PIK3CD: variants seen among roughly 807,000 people sequenced by gnomAD.
PIK3CD encodes the protein phosphatidylinositol 4,5-bisphosphate 3-kinase catalytic subunit delta isoform.
Under a neutral mutation model 122.9 loss-of-function variants are expected in PIK3CD, and 20 were observed. That is an observed-to-expected ratio of 0.16 (90% CI 0.11 to 0.24). The LOEUF (loss-of-function observed/expected upper bound fraction) is 0.24, where lower values mean the gene tolerates loss of function less well. Ranked by LOEUF, PIK3CD falls within the 10% of genes least tolerant of loss-of-function variation. PIK3CD has a pLI of 1.00. For synonymous variants in PIK3CD, 596 were observed against 593.4 expected (o/e 1.00, Z -0.06); for missense variants, 787 against 1,406.3 (o/e 0.56, Z 7.04).
At chr1:9,628,421 C>T in the PIK3CD span, among the ~76,000 whole-genome samples, 1 of 152,258 alleles carries the variant, frequency 6.6e-6, no homozygotes, top group Non-Finnish European at 1.5e-5. Context: ...TGGGGGTTCA[C>T]TCTGTGTCAG....
intron 2 of PIK3CD, among the ~76,000 whole-genome samples, chr1:9,707,995 T>C (rs779665854): frequency 6.6e-6 from 1 of 151,674 alleles, no homozygotes; most frequent in Non-Finnish European, 1.5e-5. Flanking sequence ...GGGGTTTCAC[T>C]GTGTTAGCCA....
intron 6 of PIK3CD, 26 bp from the exon 7 acceptor site, chr1:9,716,933 G>A (rs753515323): frequency 1.2e-6 from 2 of 1,613,520 alleles, no homozygotes; most frequent in South Asian, 1.1e-5. Context: ...CGCCCCACCA[G>A]CCGCTCACCC....
chr1:9,713,870 T>G (rs1647155493), intron 3 of PIK3CD, among the ~76,000 whole-genome samples: 1 of 143,920 alleles, frequency 6.9e-6, no homozygotes, highest in Non-Finnish European at 1.5e-5. Context: ...TTTTTTTTTT[T>G]GAGACAGGGT....
chr1:9,627,760 C>T, the PIK3CD span, among the ~76,000 whole-genome samples: 2 of 152,284 alleles, frequency 1.3e-5, no homozygotes, highest in South Asian at 2.1e-4. Context: ...CTGCTGGCCC[C>T]GGGTGCTGTT....
In PIK3CD at chr1:9,718,572, C is replaced by G; in HGVS notation, c.1021-122C>G. ...TTCCCTGTGCTGCACCACCTTCCTTCGTGTGGGAAGTAGAGTTCAGACCCA... is the reference window on the plus strand; with the variant it reads ...TTCCCTGTGCTGCACCACCTTCCTTGGTGTGGGAAGTAGAGTTCAGACCCA... On this transcript the variant is annotated intron_variant, in intron 8 of 23. Coordinates refer to ENST00000377346, the MANE Select transcript of PIK3CD (RefSeq NM_005026.5). The surrounding 1 kb of genome is among the most constrained non-coding windows in gnomAD (Gnocchi z 7.2). The G allele has an allele frequency of 1.1e-6, 1 of 917,342 alleles. No homozygotes were observed. The highest frequency in any genetic ancestry group is 1.7e-6 in the Non-Finnish European group (1 of 581,662). The allele number at this position is 917,342 out of a possible 1,614,324, so 56.8% of individuals were successfully genotyped here.
rs367558191 is a variant in PIK3CD, at chr1:9,722,200, C to T, written c.2235-44C>T. 5.2e-5 allele frequency: 84 copies of T among 1,610,360 alleles called. No homozygotes were observed. In the African/African-American group the frequency reaches 7.6e-4, roughly 15 times the overall value. On this transcript the variant is annotated intron_variant, in intron 17 of 23. Transcript: ENST00000377346. This position sits in a 1 kb window ranked among gnomAD's most constrained non-coding sequence, Gnocchi z 7.6. ...AGGGTTCCTCCCACCCCTGGGAGGC[C>T]GGTAGAGGAGCCCCTGCTGACTGCC...
chr1:9,635,706 A>G, the PIK3CD span, among the ~76,000 whole-genome samples: 1 of 152,262 alleles, frequency 6.6e-6, no homozygotes, highest in Non-Finnish European at 1.5e-5. Context: ...ATCCATTGCC[A>G]TAGCACTGTG....
At chr1:9,653,021 G>A (rs1644726525) in intron 1 of PIK3CD, 2 of 152,262 alleles carry the variant, frequency 1.3e-5, no homozygotes, top group Non-Finnish European at 2.9e-5. Flanking sequence ...CCATCAAGGG[G>A]GCTTCTTCCC....
upstream of PIK3CD, among the ~76,000 whole-genome samples, chr1:9,648,138 TAGAA>T (rs1351232445): frequency 1.3e-5 from 2 of 152,228 alleles, no homozygotes; most frequent in Non-Finnish European, 1.5e-5. Flanking sequence ...GGGGAGATGA[TAGAA>T]AGATCTCTTC....
chr1:9,659,267 G>A (rs1392586144), intron 1 of PIK3CD, among the ~76,000 whole-genome samples: 1 of 152,026 alleles, frequency 6.6e-6, no homozygotes, highest in African/African-American at 2.4e-5. Context: ...CGTAGCACAC[G>A]TTTACCTATG....
rs1648720883 is a variant in PIK3CD at position 9,721,865 on chromosome 1, G to A, written c.2055+5G>A. 4 of 1,612,856 alleles carry A rather than the reference G, an allele frequency of 2.5e-6. No individual in the cohort carries two copies. Among genetic ancestry groups the A allele is most frequent in the Non-Finnish European group, 3.4e-6 (4 of 1,179,862 alleles). On this transcript the variant is annotated splice_donor_5th_base_variant and intron_variant, in intron 16 of 23. Coordinates refer to ENST00000377346, the MANE Select transcript of PIK3CD (RefSeq NM_005026.5). ...ATGAAGGTGCTGATGAAGCAGGTGAGGCCCAAGGCCCTGGGGGGCGGGCAG... is the reference window on the plus strand; with the variant it reads ...ATGAAGGTGCTGATGAAGCAGGTGAAGCCCAAGGCCCTGGGGGGCGGGCAG...
At position 9,702,231 on chromosome 1, in the gene PIK3CD, G is replaced by A. The variant is rs550165831; in HGVS notation, c.-32-8193G>A. Among the ~76,000 whole-genome samples the A allele has an allele frequency of 4.3e-4, 65 of 152,062 alleles. 2 individuals carry two copies. In the South Asian group the frequency reaches 0.013, roughly 30 times the overall value. On this transcript the variant is annotated intron_variant, in intron 2 of 23. Transcript: ENST00000377346. ...GCTGGACTCGAACTCCTGACCTCAGGTGATCTACCTGCCTTGGCCTCCCAA... is the reference window on the plus strand; with the variant it reads ...GCTGGACTCGAACTCCTGACCTCAGATGATCTACCTGCCTTGGCCTCCCAA...
In PIK3CD at chr1:9,667,030, A is replaced by AT. The variant is rs1274381853; in HGVS notation, c.-138+15234dup. Among the ~76,000 whole-genome samples, 14 of 152,076 alleles carry AT rather than the reference A, an allele frequency of 9.2e-5. 1 individual carries two copies. In the East Asian group the frequency reaches 2.1e-3, roughly 23 times the overall value. ...AGGCGTACACCGCCATGCCTGGCTA[A>AT]TTTTTTGTATTTTAGTAGATACGGG... is the stretch of plus-strand genomic sequence containing the variant. On this transcript the variant is annotated intron_variant, in intron 1 of 23. Transcript: ENST00000377346.
chr1:9,646,333 A>G, the PIK3CD span, among the ~76,000 whole-genome samples: 5 of 152,350 alleles, frequency 3.3e-5, no homozygotes, highest in East Asian at 7.7e-4. Context: ...CCGTAACAAA[A>G]GACAGATTCA....
intron 2 of PIK3CD, among the ~76,000 whole-genome samples, chr1:9,697,359 C>G (rs753608382): frequency 6.6e-6 from 1 of 151,950 alleles, no homozygotes; most frequent in Non-Finnish European, 1.5e-5. Context: ...AGGACTGCTA[C>G]TTTGTACTGT....
chr1:9,645,390 GTC>G, the PIK3CD span, among the ~76,000 whole-genome samples: 1 of 151,976 alleles, frequency 6.6e-6, no homozygotes, highest in Non-Finnish European at 1.5e-5. Flanking sequence ...AGTCCCTAGG[GTC>G]ACGGTTTCAA....
At chr1:9,694,609 A>G (rs1046762588) in intron 2 of PIK3CD, among the ~76,000 whole-genome samples, 5 of 152,284 alleles carry the variant, frequency 3.3e-5, no homozygotes, top group African/African-American at 7.2e-5. Flanking sequence ...CCTGTGTACA[A>G]GCAGGGTTAG....
intron 2 of PIK3CD, among the ~76,000 whole-genome samples, chr1:9,703,064 T>C (rs1475927690): frequency 2.6e-5 from 4 of 152,178 alleles, no homozygotes; most frequent in Admixed American, 2.6e-4. Flanking sequence ...TTAGCCCCAC[T>C]TTCCTCTGTG....
chr1:9,720,166 C>T lies in PIK3CD; in HGVS notation c.1394C>T (p.Thr465Met), dbSNP rs368722127. 659 of 1,613,064 alleles carry T rather than the reference C, an allele frequency of 4.1e-4. 9 individuals are homozygous for T. In the South Asian group the frequency reaches 6.7e-3, roughly 17 times the overall value. The change falls in exon 11 of 24, where the codon ACG (threonine) becomes ATG (methionine). Residue 465 changes from threonine to methionine, a missense_variant. Coordinates refer to ENST00000377346, the MANE Select transcript of PIK3CD (RefSeq NM_005026.5). The surrounding 1 kb of genome is among the most constrained non-coding windows in gnomAD (Gnocchi z 9.0). ...GGCACTGTGCGCAGTAACCCCAACA[C>T]GGATAGCGCCGCTGCCCTGCTCATC... ...PTGTVRSNPNTDSAAALLICL... is the reference protein window; with the variant it reads ...PTGTVRSNPNMDSAAALLICL...
Sources: allele counts gnomAD v4.1 joint callset (sites outside exome capture counted in the v4.1 genomes callset), GRCh38; gene constraint gnomAD v4.1.1; non-coding constraint Gnocchi (gnomAD v3.1); transcripts MANE v1.5; gene names NCBI Gene and HGNC (gene_info 2026-07-23, HGNC 2026-07-21).